The following FLT1 variants were observed in gnomAD, a reference collection of about 807,000 sequenced individuals.
FLT1 encodes vascular endothelial growth factor receptor 1.
Under a neutral mutation model 156.3 loss-of-function variants are expected in FLT1, and 49 were observed. That is an observed-to-expected ratio of 0.31 (90% CI 0.25 to 0.40). FLT1 has a LOEUF of 0.40. Among genes scored for constraint, FLT1 ranks in the 10% least tolerant of loss-of-function variants. The pLI is 1.00. For missense variants in FLT1, 1,322 were observed against 1,637.2 expected (o/e 0.81, Z 3.32); for synonymous variants, 594 against 583.8 (o/e 1.02, Z -0.25).
intron 1 of FLT1, among the ~76,000 whole-genome samples, chr13:28,492,197 T>C (rs1881509365): frequency 1.3e-5 from 2 of 152,274 alleles, no homozygotes; most frequent in East Asian, 3.8e-4. Context: ...ATGTGCACTT[T>C]GATTTAATAT....
At chr13:28,358,459 A>G (rs1249056366) in intron 14 of FLT1, among the ~76,000 whole-genome samples, 1 of 152,256 alleles carries the variant, frequency 6.6e-6, no homozygotes, top group African/African-American at 2.4e-5. Context: ...GGTACATAGT[A>G]AGTGCTCAGT....
chr13:28,412,326 TTTCTTTTC>T (rs144273302), intron 10 of FLT1, among the ~76,000 whole-genome samples: 2,214 of 70,514 alleles, frequency 0.031, 271 homozygotes, highest in Admixed American at 0.045. Context: ...TCTTTCTTTC[TTTCTTTTC>T]TTTCTTTCTT....
rs899844259 is a variant in FLT1 at position 28,319,670 on chromosome 13, T to C, written c.3175-136A>G. 1.3e-5 allele frequency: 9 copies of C among 676,826 alleles called. No homozygotes were observed. In the African/African-American group the frequency reaches 1.6e-4, roughly 12 times the overall value. The allele number at this position is 676,826 out of a possible 1,614,324, so 41.9% of individuals were successfully genotyped here. On this transcript the variant is annotated intron_variant, in intron 23 of 29. Coordinates refer to ENST00000282397, the MANE Select transcript of FLT1 (RefSeq NM_002019.4). ...CGAGAGCAGCTCTGGTTTCCTAACA[T>C]AGAGAACACCATAGTATGCAGTGTT... is the stretch of plus-strand genomic sequence containing the variant.
intron 18 of FLT1, 56 bp from the exon 19 acceptor site, chr13:28,329,784 G>T (rs1593685414): frequency 7.1e-7 from 1 of 1,410,182 alleles, no homozygotes; most frequent in South Asian, 1.2e-5. Flanking sequence ...TCCTTCCGCC[G>T]GAGGCGGCAT....
intron 14 of FLT1, among the ~76,000 whole-genome samples, chr13:28,373,659 T>G (rs1458740985): frequency 6.6e-6 from 1 of 152,196 alleles, no homozygotes; most frequent in African/African-American, 2.4e-5. Context: ...AGGGAGTGTA[T>G]GAGTTTTCCT....
chr13:28,364,296 T>C (rs1056373899), intron 14 of FLT1, among the ~76,000 whole-genome samples: 1 of 152,220 alleles, frequency 6.6e-6, no homozygotes, highest in Non-Finnish European at 1.5e-5. Flanking sequence ...CACTGCAGCC[T>C]TGAACTCTTG....
At chr13:28,338,799 G>A (rs935590145) in intron 17 of FLT1, among the ~76,000 whole-genome samples, 19 of 152,038 alleles carry the variant, frequency 1.2e-4, no homozygotes, top group South Asian at 4.2e-4. Flanking sequence ...GTAAGCGTGC[G>A]TGTACTTGTA....
intron 15 of FLT1, chr13:28,345,782 A>G (rs1023045510): frequency 1.4e-5 from 6 of 423,226 alleles, no homozygotes; most frequent in African/African-American, 9.9e-5. Flanking sequence ...GAACTCACAT[A>G]GAAAAGGCTT....
At position 28,420,894 on chromosome 13, in the gene FLT1, G is replaced by A. The variant is rs138021829; in HGVS notation, c.1436+6265C>T. 1.1e-3 allele frequency among the ~76,000 whole-genome samples: 168 copies of A among 152,080 alleles called. 2 individuals are homozygous for A. The South Asian group carries it at 0.025, about 23-fold the overall frequency. On this transcript the variant is annotated intron_variant, in intron 10 of 29. Coordinates refer to ENST00000282397, the MANE Select transcript of FLT1 (RefSeq NM_002019.4). ...CTCCTTTCTTTGCCAATTTGCTGAC[G>A]TAAACAATAGAGAAATGCAATTAGG...
chr13:28,387,630 T>G (rs1399574087), intron 13 of FLT1: 18 of 1,065,026 alleles, frequency 1.7e-5, no homozygotes, highest in Non-Finnish European at 2.0e-5. Flanking sequence ...CCGTTTGGAA[T>G]GGGGACTGAG....
intron 18 of FLT1, among the ~76,000 whole-genome samples, chr13:28,332,070 T>A (rs1042444306): frequency 4.0e-5 from 6 of 151,790 alleles, no homozygotes; most frequent in African/African-American, 1.2e-4. Flanking sequence ...CAAAAAAAAA[T>A]TTTTTGAATT....
At position 28,438,370 on chromosome 13, in the gene FLT1, AT is replaced by A. The variant is rs770684741; in HGVS notation, c.389-26del. 6.3e-6 allele frequency: 10 copies of A among 1,582,286 alleles called. No individual in the cohort carries two copies. In the Admixed American group the frequency reaches 8.4e-5, roughly 13 times the overall value. ...TCTGAATGAGAAGAAAATGAAAAAA[AT>A]ATATACATAAATGATTGACATGCAA... On this transcript the variant is annotated intron_variant, in intron 3 of 29. Transcript: ENST00000282397.
chr13:28,474,699 G>T (rs1261308762), intron 1 of FLT1, among the ~76,000 whole-genome samples: 2 of 152,088 alleles, frequency 1.3e-5, no homozygotes, highest in Non-Finnish European at 2.9e-5. Flanking sequence ...TCAGTATTGG[G>T]TTTCTTTTGG....
chr13:28,495,091 T>C lies in FLT1; in HGVS notation c.-248A>G. On this transcript the variant is annotated 5_prime_UTR_variant, in exon 1 of 30. Transcript: ENST00000282397. The surrounding 1 kb of genome is among the most constrained non-coding windows in gnomAD (Gnocchi z 4.1). ...TGCCGGGGAGGAGCCGAGAGGAGTG[T>C]CCGCCTGGCGCGCTCCGAGCCTCCC... 1 of 455,048 alleles carries C rather than the reference T, an allele frequency of 2.2e-6. No homozygotes were observed. The highest frequency in any genetic ancestry group is 3.8e-6 in the Non-Finnish European group (1 of 261,272). 28.2% of individuals were successfully genotyped at this position (455,048 alleles called of 1,614,324 possible). A position where few individuals can be genotyped will look rare whatever the true frequency, so the allele number is the denominator to read the frequency against.
chr13:28,385,830 A>T (rs937621391), intron 13 of FLT1: 2 of 1,051,484 alleles, frequency 1.9e-6, no homozygotes, highest in African/African-American at 1.7e-5. Context: ...TAAGAACAGC[A>T]GTACCCCCAA....
intron 14 of FLT1, among the ~76,000 whole-genome samples, chr13:28,381,758 C>T (rs914372221): frequency 2.0e-5 from 3 of 152,112 alleles, no homozygotes; most frequent in African/African-American, 7.2e-5. Context: ...CCTAAGTTTT[C>T]CATTCTACAT....
chr13:28,377,073 T>G (rs1407916534), intron 14 of FLT1, among the ~76,000 whole-genome samples: 1 of 152,228 alleles, frequency 6.6e-6, no homozygotes, highest in Admixed American at 6.5e-5. Context: ...TATTAGTCCC[T>G]TCACACTGCA....
At chr13:28,485,617 G>A (rs2137664194) in intron 1 of FLT1, among the ~76,000 whole-genome samples, 1 of 152,264 alleles carries the variant, frequency 6.6e-6, no homozygotes, top group East Asian at 1.9e-4. Context: ...GTTACACAAT[G>A]GTGTGGTCCA....
intron 1 of FLT1, among the ~76,000 whole-genome samples, chr13:28,482,382 G>A (rs917046227): frequency 2.6e-5 from 4 of 151,122 alleles, no homozygotes; most frequent in African/African-American, 7.3e-5. Context: ...AGATTGCAGT[G>A]AGCCGAGATC....
Sources: allele counts gnomAD v4.1 joint callset (sites outside exome capture counted in the v4.1 genomes callset), GRCh38; gene constraint gnomAD v4.1.1; non-coding constraint Gnocchi (gnomAD v3.1); transcripts MANE v1.5; gene names NCBI Gene and HGNC (gene_info 2026-07-23, HGNC 2026-07-21).